Variants in VPS13B observed in about 807,000 individuals in gnomAD.
VPS13B encodes the protein vacuolar protein sorting 13 homolog B, also known as intermembrane lipid transfer protein VPS13B.
VPS13B carries 285 observed loss-of-function variants against 426.4 expected under a neutral mutation model. That is an observed-to-expected ratio of 0.67 (90% confidence interval 0.61 to 0.74). VPS13B has a LOEUF of 0.74. VPS13B is among the 30% of genes least tolerant of loss of function. VPS13B has a pLI of 0.00. For synonymous variants in VPS13B, 1,676 were observed against 1,676.4 expected (o/e 1.00, Z 0.01); for missense variants, 4,537 against 4,782.6 (o/e 0.95, Z 1.51).
At chr8:99,233,423 TGA>T (rs1816459985) in intron 17 of VPS13B, 1 of 1,249,160 alleles carries the variant, frequency 8.0e-7, no homozygotes, top group African/African-American at 1.5e-5. Flanking sequence ...GCCAGCTGTT[TGA>T]TGTGTGCCCC....
chr8:99,344,878 G>C (rs1811453878), intron 19 of VPS13B, among the ~76,000 whole-genome samples: 1 of 151,954 alleles, frequency 6.6e-6, no homozygotes, highest in Admixed American at 6.6e-5. Flanking sequence ...AGATTTATCT[G>C]TCTTTTCTTT....
chr8:99,731,638 G>T (rs932002681), intron 39 of VPS13B, among the ~76,000 whole-genome samples: 16 of 152,148 alleles, frequency 1.1e-4, no homozygotes, highest in Admixed American at 9.8e-4. Flanking sequence ...TTAGAGAGAT[G>T]AGAGGCTGCA....
intron 23 of VPS13B, 135 bp downstream of exon 23, chr8:99,442,770 A>G (rs1817737101): frequency 3.7e-6 from 3 of 811,058 alleles, no homozygotes; most frequent in Non-Finnish European, 5.9e-6. Context: ...AAAGTAAGTG[A>G]ACTAAGTGAT....
chr8:99,860,262 G>A (rs772571683), intron 57 of VPS13B, among the ~76,000 whole-genome samples: 27 of 152,206 alleles, frequency 1.8e-4, no homozygotes, highest in Non-Finnish European at 2.8e-4. Context: ...TCCATAGAGC[G>A]GGTGAGGGAC....
chr8:99,398,376 A>C (rs1351545409), intron 21 of VPS13B, among the ~76,000 whole-genome samples: 2 of 152,238 alleles, frequency 1.3e-5, no homozygotes, highest in Non-Finnish European at 2.9e-5. Context: ...AATTCCAAAG[A>C]GTTGCAAGAA....
chr8:99,223,915 A>T (rs113537043), intron 17 of VPS13B, among the ~76,000 whole-genome samples: 4,815 of 152,292 alleles, frequency 0.032, 111 homozygotes, highest in Non-Finnish European at 0.046. Context: ...CTTCTGTGAA[A>T]AGGAAATATT....
intron 3 of VPS13B, among the ~76,000 whole-genome samples, chr8:99,059,430 C>T (rs1844058311): frequency 6.6e-6 from 1 of 152,132 alleles, no homozygotes; most frequent in African/African-American, 2.4e-5. Context: ...CCCACCTTGG[C>T]CTCCCAAACT....
At chr8:99,518,014 A>G (rs1822179026) in intron 29 of VPS13B, among the ~76,000 whole-genome samples, 1 of 152,040 alleles carries the variant, frequency 6.6e-6, no homozygotes, top group African/African-American at 2.4e-5. Flanking sequence ...AATGATCTGC[A>G]TTAAGTGCTC....
At position 99,849,382 on chromosome 8, in the gene VPS13B, G is replaced by A. The variant is rs558087599; in HGVS notation, c.10061+488G>A. 2.6e-5 allele frequency among the ~76,000 whole-genome samples: 4 copies of A among 152,076 alleles called. No homozygotes were observed. The East Asian group carries it at 7.7e-4, about 29-fold the overall frequency. On this transcript the variant is annotated intron_variant, in intron 55 of 61. Coordinates refer to ENST00000357162, the MANE Select transcript of VPS13B (RefSeq NM_152564.5). ...TTAAAAGAATTCACATAATTCAATA[G>A]GAATAATATAAAGATGGCCTTACAG... is the stretch of plus-strand genomic sequence containing the variant.
intron 39 of VPS13B, among the ~76,000 whole-genome samples, chr8:99,723,490 A>G (rs1309409667): frequency 6.6e-6 from 1 of 152,158 alleles, no homozygotes; most frequent in Non-Finnish European, 1.5e-5. Flanking sequence ...AATCTGAAAA[A>G]TATCTGAAAT....
At chr8:99,751,502 T>G (rs544686223) in intron 39 of VPS13B, among the ~76,000 whole-genome samples, 2 of 152,322 alleles carry the variant, frequency 1.3e-5, no homozygotes, top group South Asian at 4.1e-4. Context: ...GGTACTTGAC[T>G]ATTTATTACG....
intron 3 of VPS13B, among the ~76,000 whole-genome samples, chr8:99,095,368 G>A (rs920875591): frequency 2.0e-5 from 3 of 152,096 alleles, no homozygotes; most frequent in Non-Finnish European, 4.4e-5. Context: ...TACATACGTT[G>A]ATACTGTTTT....
chr8:99,594,339 T>C (rs1005658987), intron 33 of VPS13B, among the ~76,000 whole-genome samples: 7 of 151,940 alleles, frequency 4.6e-5, no homozygotes, highest in African/African-American at 1.7e-4. Context: ...ATCTGCAAAA[T>C]TGAGATAATA....
chr8:99,210,670 A>G (rs944507857), intron 17 of VPS13B, among the ~76,000 whole-genome samples: 3 of 152,046 alleles, frequency 2.0e-5, no homozygotes, highest in Non-Finnish European at 4.4e-5. Context: ...CAGTGGTGCA[A>G]TCTTGGCTCA....
intron 8 of VPS13B, among the ~76,000 whole-genome samples, chr8:99,123,122 C>CAAAAAAAAAAAAA: frequency 1.6e-5 from 1 of 61,438 alleles, no homozygotes; most frequent in Non-Finnish European, 3.0e-5. Context: ...ACTCTGTCTC[C>CAAAAAAAAAAAAA]AAAAAAAAAA....
intron 39 of VPS13B, among the ~76,000 whole-genome samples, chr8:99,760,129 A>G (rs1019902263): frequency 3.3e-5 from 5 of 151,554 alleles, no homozygotes; most frequent in Non-Finnish European, 5.9e-5. Context: ...GGCGCCCACC[A>G]CCACACCTGG....
At chr8:99,559,147 T>A (rs1824755368) in intron 31 of VPS13B, among the ~76,000 whole-genome samples, 1 of 152,258 alleles carries the variant, frequency 6.6e-6, no homozygotes, top group Non-Finnish European at 1.5e-5. Context: ...GATTTGCATT[T>A]CTCTGATGGC....
At chr8:99,541,381 A>G (rs549442400) in intron 30 of VPS13B, among the ~76,000 whole-genome samples, 8 of 152,158 alleles carry the variant, frequency 5.3e-5, no homozygotes, top group African/African-American at 1.9e-4. Context: ...CTGGACATGC[A>G]GGTTTGTTGT....
chr8:99,258,224 C>A (rs1588181123), intron 17 of VPS13B, among the ~76,000 whole-genome samples: 1 of 151,386 alleles, frequency 6.6e-6, no homozygotes, highest in African/African-American at 2.4e-5. Flanking sequence ...CATGTATTTT[C>A]TTTCCATATG....
Sources: allele counts gnomAD v4.1 joint callset (sites outside exome capture counted in the v4.1 genomes callset), GRCh38; gene constraint gnomAD v4.1.1; transcripts MANE v1.5; gene names NCBI Gene and HGNC (gene_info 2026-07-23, HGNC 2026-07-21).